Variants in NAALADL2 observed in about 807,000 individuals in gnomAD.
The protein encoded by NAALADL2 is inactive N-acetylated-alpha-linked acidic dipeptidase-like protein 2.
A neutral mutation model predicts 87.2 loss-of-function variants in NAALADL2; 76 were observed. The ratio of observed to expected loss-of-function variants is 0.87; its 90% CI spans 0.72 to 1.05. NAALADL2 has a LOEUF of 1.05. Among genes scored for constraint, NAALADL2 ranks in the 50% least tolerant of loss-of-function variants. NAALADL2 has a pLI of 0.00. For synonymous variants in NAALADL2, 354 were observed against 331.0 expected (o/e 1.07, Z -0.75); for missense variants, 1,089 against 945.8 (o/e 1.15, Z -1.99).
At chr3:175,638,981 G>C (rs924460074) in intron 11 of NAALADL2, among the ~76,000 whole-genome samples, 2 of 151,998 alleles carry the variant, frequency 1.3e-5, no homozygotes, top group Non-Finnish European at 2.9e-5. Flanking sequence ...ATCCCTTCTT[G>C]TCCATCTTGA....
Position 175,135,527 on chromosome 3 carries a change from ACAC to A in NAALADL2, c.545+38242_545+38244del, listed in dbSNP as rs1429518192. ...GCTGGCTTATGAAGATTTTTAATAA[ACAC>A]CACCAAGTTAGTCAAATAAAGTGAT... is the stretch of plus-strand genomic sequence containing the variant. On this transcript the variant is annotated intron_variant, in intron 2 of 13. Transcript: ENST00000454872. Among the ~76,000 whole-genome samples the A allele has an allele frequency of 5.3e-5, 8 of 152,318 alleles. No homozygotes were observed. The East Asian group carries it at 1.2e-3, about 22-fold the overall frequency.
intron 1 of NAALADL2, among the ~76,000 whole-genome samples, chr3:174,989,250 C>T (rs1322527259): frequency 6.6e-6 from 1 of 152,138 alleles, no homozygotes; most frequent in African/African-American, 2.4e-5. Flanking sequence ...AGATTTGGGA[C>T]ACAAACATCC....
intron 4 of NAALADL2, among the ~76,000 whole-genome samples, chr3:175,318,767 C>T (rs567471652): frequency 7.5e-4 from 114 of 152,146 alleles, no homozygotes; most frequent in Non-Finnish European, 1.5e-3. Context: ...TCAAAATCCC[C>T]TCCTCACCTT....
chr3:174,508,384 A>G (rs907181296), intron 1 of NAALADL2, among the ~76,000 whole-genome samples: 1 of 152,144 alleles, frequency 6.6e-6, no homozygotes, highest in African/African-American at 2.4e-5. Flanking sequence ...AAGTGCCAGG[A>G]ATAGAGGCGT....
chr3:174,544,567 CTTTT>C (rs10575227), intron 1 of NAALADL2, among the ~76,000 whole-genome samples: 34 of 115,136 alleles, frequency 3.0e-4, no homozygotes, highest in African/African-American at 1.0e-3. Flanking sequence ...TTTTTGTTTT[CTTTT>C]TTTTTTTTTT....
intron 10 of NAALADL2, among the ~76,000 whole-genome samples, chr3:175,610,566 A>T (rs1259268798): frequency 6.6e-6 from 1 of 152,062 alleles, no homozygotes; most frequent in Non-Finnish European, 1.5e-5. Context: ...ACTATGTTGA[A>T]TTTTTAATCC....
At chr3:174,929,046 T>C (rs899372182) in intron 1 of NAALADL2, among the ~76,000 whole-genome samples, 5 of 152,176 alleles carry the variant, frequency 3.3e-5, no homozygotes, top group African/African-American at 4.8e-5. Context: ...ATGGGAGATA[T>C]GCATCTCTTA....
Position 175,096,813 on chromosome 3 carries a change from G to C in NAALADL2, c.67G>C (p.Val23Leu). The change falls in exon 2 of 14, where the codon GTC (valine) becomes CTC (leucine). Residue 23 changes from valine to leucine, a missense_variant. By Grantham distance (32) the Val-to-Leu change is conservative. Coordinates refer to ENST00000454872, the MANE Select transcript of NAALADL2 (RefSeq NM_207015.3). The part of the protein sequence containing the change: ...LQGKKMAYQK[V>L]HADQRAPGHS... ...AGGTAAAAAGATGGCCTATCAGAAG[G>C]TCCATGCAGATCAAAGAGCTCCAGG... The C allele has an allele frequency of 6.3e-7, 1 of 1,586,974 alleles. No individual in the cohort carries two copies. The highest frequency in any genetic ancestry group is 8.6e-7 in the Non-Finnish European group (1 of 1,167,700).
intron 4 of NAALADL2, among the ~76,000 whole-genome samples, chr3:175,311,729 T>TC (rs1297354318): frequency 6.7e-6 from 1 of 150,038 alleles, no homozygotes; most frequent in Non-Finnish European, 1.5e-5. Flanking sequence ...CTTCCTTCCT[T>TC]CTTTCCTCCC....
At chr3:175,266,583 G>A (rs942046255) in intron 4 of NAALADL2, among the ~76,000 whole-genome samples, 1 of 151,668 alleles carries the variant, frequency 6.6e-6, no homozygotes, top group African/African-American at 2.4e-5. Context: ...TCAGTGAAGA[G>A]CTAGTGTGCT....
At chr3:175,185,234 A>G (rs1471622350) in intron 2 of NAALADL2, among the ~76,000 whole-genome samples, 1 of 152,094 alleles carries the variant, frequency 6.6e-6, no homozygotes, top group African/African-American at 2.4e-5. Flanking sequence ...TGACTACTTG[A>G]TCCTATCTAT....
chr3:175,709,889 G>A (rs1183567962), intron 11 of NAALADL2, among the ~76,000 whole-genome samples: 1 of 152,092 alleles, frequency 6.6e-6, no homozygotes, highest in East Asian at 1.9e-4. Flanking sequence ...AATGATGTCT[G>A]TAGTGAGGTT....
At chr3:174,491,669 A>T (rs1718201431) in intron 1 of NAALADL2, among the ~76,000 whole-genome samples, 1 of 152,070 alleles carries the variant, frequency 6.6e-6, no homozygotes, top group South Asian at 2.1e-4. Flanking sequence ...AAATATTGCC[A>T]TTTTTTTCCA....
At chr3:175,314,694 A>ATATATATATATAGTTCTAAC (rs1553857587) in intron 4 of NAALADL2, among the ~76,000 whole-genome samples, 13 of 82,732 alleles carry the variant, frequency 1.6e-4, no homozygotes, top group African/African-American at 6.6e-4. Context: ...ATATATATAT[A>ATATATATATATAGTTCTAAC]TATATATATA....
chr3:175,558,470 T>C (rs934253103), intron 9 of NAALADL2, among the ~76,000 whole-genome samples: 4 of 152,156 alleles, frequency 2.6e-5, no homozygotes, highest in South Asian at 2.1e-4. Flanking sequence ...TCTGTGCTTG[T>C]GGTGTATTAC....
chr3:174,541,927 G>A (rs550941245), intron 1 of NAALADL2, among the ~76,000 whole-genome samples: 18 of 146,072 alleles, frequency 1.2e-4, no homozygotes, highest in Admixed American at 4.1e-4. Context: ...CAGCAGCAGC[G>A]TACAGCAGAG....
intron 11 of NAALADL2, among the ~76,000 whole-genome samples, chr3:175,714,757 G>A (rs1338904199): frequency 6.6e-6 from 1 of 151,998 alleles, no homozygotes; most frequent in Non-Finnish European, 1.5e-5. Context: ...GTCAATTTTG[G>A]CTTTTGTTGC....
intron 5 of NAALADL2, among the ~76,000 whole-genome samples, chr3:175,353,973 C>A (rs1252687909): frequency 2.0e-5 from 3 of 152,124 alleles, no homozygotes; most frequent in African/African-American, 7.2e-5. Context: ...TGTTTGTATA[C>A]TTATAAATTG....
intron 6 of NAALADL2, among the ~76,000 whole-genome samples, chr3:175,460,950 T>A (rs1347424081): frequency 3.3e-5 from 5 of 152,196 alleles, no homozygotes; most frequent in African/African-American, 1.2e-4. Context: ...CCAGCTTTTA[T>A]TCCCTTATCT....
Sources: gnomAD v4.1 joint callset for allele counts (sites outside exome capture counted in the v4.1 genomes callset) on GRCh38, gnomAD v4.1.1 for gene constraint, MANE v1.5 for transcripts, NCBI Gene and HGNC (gene_info 2026-07-23, HGNC 2026-07-21) for gene names.